CEP63: variants seen among roughly 807,000 people sequenced by gnomAD.
CEP63 encodes the protein centrosomal protein 63, also known as centrosomal protein of 63 kDa.
Under a neutral mutation model 89.1 loss-of-function variants are expected in CEP63, and 84 were observed. The observed-to-expected ratio is 0.94, with a 90% CI of 0.79 to 1.13. The LOEUF is 1.13. Ranked by LOEUF, CEP63 falls within the 50% of genes most tolerant of loss-of-function variation. The pLI is 0.00. For synonymous variants in CEP63, 267 were observed against 272.5 expected, an observed-to-expected ratio of 0.98 and a Z score of 0.20; for missense variants, 838 against 813.3, an observed-to-expected ratio of 1.03 and a Z score of -0.37.
At position 134,564,600 on chromosome 3, in the gene CEP63, C is replaced by T; in HGVS notation, c.*3065C>T. On this transcript the variant is annotated 3_prime_UTR_variant, in exon 15 of 15. Transcript: ENST00000675561. ...GGATGAAAATCACTACCATTCAAGG[C>T]TTCATTGTATTTATCAGTAAAACTG... The T allele has an allele frequency of 1.0e-6, 1 of 985,348 alleles. No individual in the cohort carries two copies. The highest frequency in any genetic ancestry group is 1.2e-6 in the Non-Finnish European group (1 of 829,882). 61.0% of individuals were successfully genotyped at this position (985,348 alleles called of 1,614,324 possible).
chr3:134,649,662 G>A, the CEP63 span, among the ~76,000 whole-genome samples: 2 of 152,240 alleles, frequency 1.3e-5, no homozygotes, highest in African/African-American at 4.8e-5. Context: ...TAGAGCGCCT[G>A]TCAACATACT....
At chr3:134,664,606 T>C in the CEP63 span, among the ~76,000 whole-genome samples, 1 of 152,094 alleles carries the variant, frequency 6.6e-6, no homozygotes, top group Non-Finnish European at 1.5e-5. Flanking sequence ...GATGGGGCCA[T>C]TTGTTTGCGT....
the CEP63 span, among the ~76,000 whole-genome samples, chr3:134,664,404 C>T: frequency 2.0e-5 from 3 of 152,196 alleles, no homozygotes; most frequent in Non-Finnish European, 4.4e-5. Context: ...CAGCCCAAAC[C>T]TGAACCTAGG....
the CEP63 span, among the ~76,000 whole-genome samples, chr3:134,691,042 C>T: frequency 4.6e-5 from 7 of 152,182 alleles, no homozygotes; most frequent in Non-Finnish European, 1.0e-4. Flanking sequence ...AGCCACCGTG[C>T]CTGGCCAAGA....
rs1957655105 is a variant in CEP63 at position 134,564,716 on chromosome 3, T to C, written c.*3181T>C. ...TAAGTACTGTACCTATGTGCATTGC[T>C]GTTACATTCAGGAGATTTCTGAGTT... On this transcript the variant is annotated 3_prime_UTR_variant, in exon 15 of 15. Transcript: ENST00000675561. 1.0e-6 allele frequency: 1 copy of C among 985,444 alleles called. No homozygotes were observed. Among genetic ancestry groups the C allele is most frequent in the Non-Finnish European group, 1.2e-6 (1 of 829,926 alleles). The allele number at this position is 985,444 out of a possible 1,614,324, so 61.0% of individuals were successfully genotyped here.
the CEP63 span, among the ~76,000 whole-genome samples, chr3:134,750,698 C>G: frequency 6.6e-6 from 1 of 152,196 alleles, no homozygotes; most frequent in African/African-American, 2.4e-5. Flanking sequence ...ATGTATTGAT[C>G]CTCTGGCCTT....
chr3:134,747,604 G>T, the CEP63 span, among the ~76,000 whole-genome samples: 1 of 152,140 alleles, frequency 6.6e-6, no homozygotes, highest in Non-Finnish European at 1.5e-5. Flanking sequence ...CCCACCTTTA[G>T]TGCACCTTGT....
the CEP63 span, among the ~76,000 whole-genome samples, chr3:134,634,377 T>C: frequency 1.3e-5 from 2 of 152,076 alleles, no homozygotes; most frequent in Non-Finnish European, 1.5e-5. Context: ...ATCACAACAA[T>C]GTGATGTTGG....
At chr3:134,702,624 A>C in the CEP63 span, among the ~76,000 whole-genome samples, 3 of 152,202 alleles carry the variant, frequency 2.0e-5, no homozygotes, top group African/African-American at 7.2e-5. Flanking sequence ...TAAGAAAAAA[A>C]TTTACAAGAA....
At chr3:134,588,646 C>T (rs1958536162), downstream of CEP63, among the ~76,000 whole-genome samples, 1 of 151,736 alleles carries the variant, frequency 6.6e-6, no homozygotes, top group Admixed American at 6.6e-5. Flanking sequence ...AGTAAATGAT[C>T]TAAATACTTA....
the CEP63 span, among the ~76,000 whole-genome samples, chr3:134,635,366 A>G: frequency 1.3e-5 from 2 of 151,954 alleles, no homozygotes; most frequent in Admixed American, 1.3e-4. Context: ...GCATGGTGGC[A>G]GGCACCTGTA....
the CEP63 span, among the ~76,000 whole-genome samples, chr3:134,737,234 G>T: frequency 1.3e-5 from 2 of 152,102 alleles, no homozygotes; most frequent in African/African-American, 4.8e-5. Context: ...CATGGCTTTA[G>T]GGTTGGGAAG....
intron 11 of CEP63, among the ~76,000 whole-genome samples, chr3:134,574,218 G>A (rs547850236): frequency 3.9e-4 from 59 of 152,316 alleles, no homozygotes; most frequent in African/African-American, 1.4e-3. Context: ...CCGAAGTGCA[G>A]CTCCTTAGGA....
At chr3:134,748,805 G>C in the CEP63 span, among the ~76,000 whole-genome samples, 2 of 152,164 alleles carry the variant, frequency 1.3e-5, no homozygotes, top group African/African-American at 4.8e-5. Flanking sequence ...GAAGTCTAGG[G>C]ACAGAGAGCA....
the CEP63 span, among the ~76,000 whole-genome samples, chr3:134,715,079 C>T: frequency 6.6e-6 from 1 of 152,186 alleles, no homozygotes; most frequent in African/African-American, 2.4e-5. Flanking sequence ...ATCTTTGTTG[C>T]TGGGCTTCCT....
intron 1 of CEP63, among the ~76,000 whole-genome samples, chr3:134,489,156 C>G (rs1462836492): frequency 7.7e-6 from 1 of 130,262 alleles, no homozygotes; most frequent in African/African-American, 3.1e-5. Context: ...GCGAGACTGT[C>G]TCAAAAAAAA....
At chr3:134,614,509 GA>G in the CEP63 span, among the ~76,000 whole-genome samples, 4 of 152,016 alleles carry the variant, frequency 2.6e-5, no homozygotes, top group Non-Finnish European at 5.9e-5. Context: ...CCCAATCAGA[GA>G]AGCCCCAAGG....
the CEP63 span, among the ~76,000 whole-genome samples, chr3:134,679,285 CTAAG>C: frequency 2.0e-5 from 3 of 152,322 alleles, no homozygotes; most frequent in African/African-American, 7.2e-5. Flanking sequence ...ATTAATGACA[CTAAG>C]TAACTTGCTC....
chr3:134,594,643 A>G, the CEP63 span, among the ~76,000 whole-genome samples: 1 of 152,244 alleles, frequency 6.6e-6, no homozygotes, highest in African/African-American at 2.4e-5. Context: ...ACTGCTGTGC[A>G]TATGCTTTCC....
Sources: allele counts gnomAD v4.1 joint callset (sites outside exome capture counted in the v4.1 genomes callset), GRCh38; gene constraint gnomAD v4.1.1; transcripts MANE v1.5; gene names NCBI Gene and HGNC (gene_info 2026-07-23, HGNC 2026-07-21).